The following KCNQ3 variants were observed in gnomAD, a reference collection of about 807,000 sequenced individuals.
KCNQ3 encodes the protein potassium voltage-gated channel subfamily KQT member 3.
KCNQ3 carries 30 observed loss-of-function variants against 92.5 expected under a neutral mutation model. The ratio of observed to expected loss-of-function variants is 0.32; its 90% CI spans 0.24 to 0.44. The LOEUF is 0.44. Among genes scored for constraint, KCNQ3 ranks in the 20% least tolerant of loss-of-function variants. KCNQ3 has a pLI of 1.00. For synonymous variants in KCNQ3, 450 were observed against 468.8 expected (o/e 0.96, Z 0.52); for missense variants, 913 against 1,140.3 (o/e 0.80, Z 2.87).
At chr8:132,415,537 C>A (rs190234477) in intron 1 of KCNQ3, among the ~76,000 whole-genome samples, 25 of 152,366 alleles carry the variant, frequency 1.6e-4, no homozygotes, top group African/African-American at 5.3e-4. Flanking sequence ...TGACTCATGT[C>A]TCTGCAGTGA....
intron 1 of KCNQ3, among the ~76,000 whole-genome samples, chr8:132,274,538 C>T (rs796327457): frequency 1.8e-4 from 27 of 152,296 alleles, no homozygotes; most frequent in African/African-American, 6.3e-4. Context: ...AGCCTGCCAC[C>T]CCTTTCTACA....
intron 1 of KCNQ3, among the ~76,000 whole-genome samples, chr8:132,216,677 A>G (rs1385018946): frequency 1.3e-5 from 2 of 152,290 alleles, no homozygotes; most frequent in East Asian, 1.9e-4. Context: ...AAATGCCACA[A>G]AAAAAGGGGT....
chr8:132,322,982 T>C (rs1817935871), intron 1 of KCNQ3, among the ~76,000 whole-genome samples: 1 of 152,168 alleles, frequency 6.6e-6, no homozygotes, highest in Non-Finnish European at 1.5e-5. Context: ...GGGCCCTTTG[T>C]TTCAGAGAGC....
chr8:132,285,319 G>T (rs1196959424), intron 1 of KCNQ3, among the ~76,000 whole-genome samples: 4 of 152,198 alleles, frequency 2.6e-5, no homozygotes, highest in Admixed American at 2.6e-4. Flanking sequence ...GTCATGACTA[G>T]AAAGCTCATA....
At chr8:132,216,676 A>C (rs1814039657) in intron 1 of KCNQ3, among the ~76,000 whole-genome samples, 1 of 152,156 alleles carries the variant, frequency 6.6e-6, no homozygotes, top group Admixed American at 6.5e-5. Context: ...AAAATGCCAC[A>C]AAAAAAGGGG....
chr8:132,249,979 C>T (rs996425859), intron 1 of KCNQ3, among the ~76,000 whole-genome samples: 15 of 152,154 alleles, frequency 9.9e-5, no homozygotes, highest in African/African-American at 3.1e-4. Context: ...CATGCCCACC[C>T]GGAACTTGCG....
chr8:132,212,705 A>G (rs1391680555), intron 1 of KCNQ3, among the ~76,000 whole-genome samples: 1 of 152,148 alleles, frequency 6.6e-6, no homozygotes, highest in Non-Finnish European at 1.5e-5. Flanking sequence ...TGCTTCAGTC[A>G]TTCAGCTGCC....
At chr8:132,175,688 T>TA in intron 4 of KCNQ3, 80 bp from the exon 5 acceptor site, 1 of 1,388,704 alleles carries the variant, frequency 7.2e-7, no homozygotes, top group Non-Finnish European at 1.0e-6. Flanking sequence ...ACACCAGAGT[T>TA]AGAGTCCAAG....
At chr8:132,223,204 G>A (rs1218181135) in intron 1 of KCNQ3, among the ~76,000 whole-genome samples, 1 of 151,836 alleles carries the variant, frequency 6.6e-6, no homozygotes, top group African/African-American at 2.4e-5. Flanking sequence ...AGGAAGGATG[G>A]AAAAGATAAG....
intron 1 of KCNQ3, among the ~76,000 whole-genome samples, chr8:132,220,284 A>C (rs1381592086): frequency 6.6e-6 from 1 of 152,174 alleles, no homozygotes; most frequent in Non-Finnish European, 1.5e-5. Context: ...ACAGATAAAT[A>C]AGAAAAACTG....
At chr8:132,350,267 G>A (rs928585134) in intron 1 of KCNQ3, among the ~76,000 whole-genome samples, 1 of 151,820 alleles carries the variant, frequency 6.6e-6, no homozygotes, top group African/African-American at 2.4e-5. Flanking sequence ...GAAAATGTCC[G>A]GGTTTCAGAT....
chr8:132,389,458 C>G (rs1260568513), intron 1 of KCNQ3, among the ~76,000 whole-genome samples: 1 of 152,150 alleles, frequency 6.6e-6, no homozygotes, highest in Non-Finnish European at 1.5e-5. Flanking sequence ...AAACAAAAAC[C>G]TTTGTTCATA....
rs539843620 is a variant in KCNQ3 at position 132,175,403 on chromosome 8, G to A, written c.933+50C>T. On this transcript the variant is annotated intron_variant, in intron 5 of 14. Coordinates refer to ENST00000388996, the MANE Select transcript of KCNQ3 (RefSeq NM_004519.4). ...CATGTGATGCCCTCCACCTCTCTCT[G>A]ACTCTTGACAGTCAATCTCACAGAA... The A allele has an allele frequency of 1.6e-5, 25 of 1,602,020 alleles. No individual in the cohort carries two copies. In the South Asian group the frequency reaches 2.8e-4, roughly 18 times the overall value.
At chr8:132,461,773 G>T (rs10956663) in intron 1 of KCNQ3, among the ~76,000 whole-genome samples, 11,314 of 152,128 alleles carry the variant, frequency 0.074, 743 homozygotes, top group East Asian at 0.25. Flanking sequence ...ATTCCCTAAC[G>T]AAATTATATT....
At chr8:132,194,247 T>C (rs1006560490) in intron 1 of KCNQ3, among the ~76,000 whole-genome samples, 3 of 152,226 alleles carry the variant, frequency 2.0e-5, no homozygotes, top group African/African-American at 4.8e-5. Flanking sequence ...GCTGCACTTG[T>C]CCTAACCCTT....
chr8:132,290,499 A>G (rs1035788266), intron 1 of KCNQ3, among the ~76,000 whole-genome samples: 9 of 152,162 alleles, frequency 5.9e-5, no homozygotes, highest in African/African-American at 2.2e-4. Flanking sequence ...TGGAGTTTCA[A>G]ATGAATGAAG....
At chr8:132,433,039 C>T (rs1821293856) in intron 1 of KCNQ3, among the ~76,000 whole-genome samples, 1 of 152,206 alleles carries the variant, frequency 6.6e-6, no homozygotes, top group Non-Finnish European at 1.5e-5. Flanking sequence ...TCTGAGTTAT[C>T]ATAATTATTG....
intron 1 of KCNQ3, among the ~76,000 whole-genome samples, chr8:132,436,180 T>A (rs985371708): frequency 3.9e-5 from 6 of 152,240 alleles, no homozygotes; most frequent in Admixed American, 3.3e-4. Flanking sequence ...AGTTTTTAAT[T>A]AACTTTAATG....
At chr8:132,453,896 G>A (rs556640363) in intron 1 of KCNQ3, among the ~76,000 whole-genome samples, 1 of 152,204 alleles carries the variant, frequency 6.6e-6, no homozygotes, top group African/African-American at 2.4e-5. Context: ...ACGGAAGCCA[G>A]TGGCATTCAG....
Sources: allele counts gnomAD v4.1 joint callset (sites outside exome capture counted in the v4.1 genomes callset), GRCh38; gene constraint gnomAD v4.1.1; transcripts MANE v1.5; gene names NCBI Gene and HGNC (gene_info 2026-07-23, HGNC 2026-07-21).